The following CCDC73 variants were observed in gnomAD, a reference collection of about 807,000 sequenced individuals.
The protein encoded by CCDC73 is coiled-coil domain containing 73.
A neutral mutation model predicts 116.5 loss-of-function variants in CCDC73; 95 were observed. That is an observed-to-expected ratio of 0.82 (90% CI 0.69 to 0.97). The LOEUF is 0.97. Among genes scored for constraint, CCDC73 ranks in the 50% least tolerant of loss-of-function variants. The pLI is 0.00. For synonymous variants in CCDC73, 398 were observed against 401.3 expected (o/e 0.99, Z 0.10); for missense variants, 1,066 against 1,206.8 (o/e 0.88, Z 1.73).
chr11:32,825,016 T>C, the CCDC73 span, among the ~76,000 whole-genome samples: 1 of 152,132 alleles, frequency 6.6e-6, no homozygotes, highest in African/African-American at 2.4e-5. Context: ...GCCCAGGAGG[T>C]TGAGGCTGCA....
At chr11:32,677,770 G>A (rs576309687) in intron 7 of CCDC73, among the ~76,000 whole-genome samples, 27 of 151,294 alleles carry the variant, frequency 1.8e-4, no homozygotes, top group African/African-American at 6.1e-4. Flanking sequence ...TGACCAACAT[G>A]GTGAAACCCC....
chr11:32,752,515 T>C (rs575682816), intron 2 of CCDC73, among the ~76,000 whole-genome samples: 2 of 152,236 alleles, frequency 1.3e-5, no homozygotes, highest in African/African-American at 4.8e-5. Flanking sequence ...TTAATTTACA[T>C]CAAAAAGGAA....
At chr11:32,703,048 A>G in intron 3 of CCDC73, 104 bp from the exon 4 acceptor site, 1 of 791,762 alleles carries the variant, frequency 1.3e-6, no homozygotes, top group Admixed American at 2.0e-5. Flanking sequence ...TACCTTCTAC[A>G]TATATTATTT....
In CCDC73 at chr11:32,673,638, C is replaced by T. The variant is rs575813615; in HGVS notation, c.645+1927G>A. ...TGACTGTGAAACAACTTTCTCTGTA[C>T]TGAATCAACTAGCCTATACAAAATT... is the stretch of plus-strand genomic sequence containing the variant. On this transcript the variant is annotated intron_variant, in intron 9 of 17. Coordinates refer to ENST00000335185, the MANE Select transcript of CCDC73 (RefSeq NM_001008391.4). Among the ~76,000 whole-genome samples, 7 of 152,270 alleles carry T rather than the reference C, an allele frequency of 4.6e-5. No individual in the cohort carries two copies. In the East Asian group the frequency reaches 5.8e-4, roughly 13 times the overall value.
intron 14 of CCDC73, among the ~76,000 whole-genome samples, chr11:32,619,416 A>T (rs552845455): frequency 6.6e-6 from 1 of 152,354 alleles, no homozygotes; most frequent in African/African-American, 2.4e-5. Flanking sequence ...CATGCCTGTA[A>T]TCCCAGTGTT....
At chr11:32,647,579 G>A (rs2133256000) in intron 12 of CCDC73, among the ~76,000 whole-genome samples, 1 of 152,286 alleles carries the variant, frequency 6.6e-6, no homozygotes, top group Non-Finnish European at 1.5e-5. Flanking sequence ...TTTGTCAAAT[G>A]GTAGGTTTCA....
chr11:32,711,105 C>A (rs1049219451), intron 3 of CCDC73, among the ~76,000 whole-genome samples: 5 of 152,180 alleles, frequency 3.3e-5, no homozygotes, highest in African/African-American at 9.7e-5. Flanking sequence ...CACCTTACTC[C>A]TGCAAGAATG....
At chr11:32,633,514 C>T (rs1304986585) in intron 14 of CCDC73, among the ~76,000 whole-genome samples, 2 of 152,082 alleles carry the variant, frequency 1.3e-5, no homozygotes, top group Non-Finnish European at 2.9e-5. Context: ...TACCCATACA[C>T]ATGACTAAGA....
At chr11:32,687,631 T>C (rs188391092) in intron 6 of CCDC73, among the ~76,000 whole-genome samples, 12 of 152,258 alleles carry the variant, frequency 7.9e-5, no homozygotes, top group Admixed American at 3.3e-4. Context: ...GATATAAAAA[T>C]ACATATAACT....
the CCDC73 span, among the ~76,000 whole-genome samples, chr11:32,827,444 C>G: frequency 6.6e-6 from 1 of 152,194 alleles, no homozygotes; most frequent in African/African-American, 2.4e-5. Context: ...CTGCCTCCCT[C>G]TCTGTCTATA....
intron 16 of CCDC73, among the ~76,000 whole-genome samples, chr11:32,612,942 C>T (rs1414653650): frequency 1.3e-5 from 2 of 152,126 alleles, no homozygotes; most frequent in African/African-American, 4.8e-5. Flanking sequence ...TTCTCTTTAA[C>T]ATCTGAATGC....
chr11:32,617,477 G>A (rs1855484257), intron 14 of CCDC73, among the ~76,000 whole-genome samples: 1 of 152,150 alleles, frequency 6.6e-6, no homozygotes, highest in South Asian at 2.1e-4. Context: ...ATGAACCACT[G>A]ATAAGTTGCA....
intron 3 of CCDC73, among the ~76,000 whole-genome samples, chr11:32,710,745 CT>C (rs1306136119): frequency 3.9e-5 from 6 of 152,028 alleles, no homozygotes; most frequent in African/African-American, 1.4e-4. Flanking sequence ...CTTTGTTGAC[CT>C]TCTGTCTGGA....
rs745645697 is a variant in CCDC73, at chr11:32,683,591, G to T, written c.391-17C>A. 3 of 1,400,844 alleles carry T rather than the reference G, an allele frequency of 2.1e-6. No homozygotes were observed. Among genetic ancestry groups the T allele is most frequent in the South Asian group, 2.4e-5 (2 of 83,290 alleles). 86.8% of individuals were successfully genotyped at this position (1,400,844 alleles called of 1,614,324 possible). On this transcript the variant is annotated splice_polypyrimidine_tract_variant and intron_variant, in intron 6 of 17. Transcript: ENST00000335185. ...TTTAGAAACCTTGAAAAATAAGGGG[G>T]AAAAATCTCATTAAAATACTTTAAT... is the stretch of plus-strand genomic sequence containing the variant.
chr11:32,694,602 A>G (rs1038600545), intron 6 of CCDC73, among the ~76,000 whole-genome samples: 9 of 152,206 alleles, frequency 5.9e-5, no homozygotes, highest in Admixed American at 1.3e-4. Context: ...AATTAAAAAA[A>G]CAATTAAAAA....
chr11:32,727,013 A>G (rs1182473263), intron 2 of CCDC73, among the ~76,000 whole-genome samples: 1 of 152,146 alleles, frequency 6.6e-6, no homozygotes, highest in African/African-American at 2.4e-5. Flanking sequence ...GTCTCCTTAG[A>G]TTCCTCCATT....
chr11:32,776,986 CATGTATATATATATATATATATAT>C (rs1850540743), intron 1 of CCDC73, among the ~76,000 whole-genome samples: 1 of 95,776 alleles, frequency 1.0e-5, no homozygotes, highest in Non-Finnish European at 2.0e-5. Flanking sequence ...TATATATACA[CATGTATATATATATATATATATAT>C]ATATATATAT....
intron 2 of CCDC73, among the ~76,000 whole-genome samples, chr11:32,756,596 T>C (rs942804791): frequency 1.3e-4 from 19 of 151,282 alleles, no homozygotes; most frequent in African/African-American, 4.4e-4. Flanking sequence ...TTCTATTTAT[T>C]TAGTCATTAC....
At chr11:32,763,284 C>T (rs1000425692) in intron 1 of CCDC73, among the ~76,000 whole-genome samples, 5 of 152,208 alleles carry the variant, frequency 3.3e-5, no homozygotes, top group South Asian at 2.1e-4. Flanking sequence ...GATCTGAGAA[C>T]GGACAGACTG....
Sources: gnomAD v4.1 joint callset for allele counts (sites outside exome capture counted in the v4.1 genomes callset) on GRCh38, gnomAD v4.1.1 for gene constraint, MANE v1.5 for transcripts, NCBI Gene and HGNC (gene_info 2026-07-23, HGNC 2026-07-21) for gene names.